Variants in PARD3 observed in about 807,000 individuals in gnomAD.
The protein encoded by PARD3 is par-3 family cell polarity regulator.
A neutral mutation model predicts 155.4 loss-of-function variants in PARD3; 75 were observed. The observed-to-expected ratio is 0.48, with a 90% CI of 0.40 to 0.58. PARD3 has a LOEUF of 0.58. Among genes scored for constraint, PARD3 ranks in the 20% least tolerant of loss-of-function variants. The pLI, the probability that PARD3 is intolerant of heterozygous loss-of-function variation, is 0.00. For missense variants in PARD3, 1,642 were observed against 1,721.7 expected (o/e 0.95, Z 0.82); for synonymous variants, 576 against 610.5 (o/e 0.94, Z 0.83).
chr10:34,320,893 A>T (rs1362022410), intron 19 of PARD3, among the ~76,000 whole-genome samples: 1 of 152,218 alleles, frequency 6.6e-6, no homozygotes, highest in Admixed American at 6.5e-5. Context: ...TACTGATTTA[A>T]CTAATCCCTT....
At chr10:34,750,015 C>T (rs1835786514) in intron 1 of PARD3, among the ~76,000 whole-genome samples, 1 of 149,064 alleles carries the variant, frequency 6.7e-6, no homozygotes, top group African/African-American at 2.5e-5. Flanking sequence ...GAACGAGACC[C>T]CCTCTCAAAA....
intron 3 of PARD3, among the ~76,000 whole-genome samples, chr10:34,484,808 T>C (rs113785650): frequency 6.0e-4 from 92 of 152,240 alleles, no homozygotes; most frequent in Non-Finnish European, 9.9e-4. Flanking sequence ...CTGCTAAATT[T>C]TACCTATGAA....
chr10:34,707,202 G>A lies in PARD3; in HGVS notation c.121-10783C>T, dbSNP rs2094377866. Among the ~76,000 whole-genome samples the A allele has an allele frequency of 2.7e-5, 4 of 150,510 alleles. 1 individual carries two copies. Among genetic ancestry groups the A allele is most frequent in the Middle Eastern group, 7.1e-3 (2 of 282 alleles). Reference sequence around the variant, plus strand: ...TCAAGGCTGCAGTAAGCAGTGGCGTGCCACTGCACTCCAGTCTGGGTGACA... The same window carrying A: ...TCAAGGCTGCAGTAAGCAGTGGCGTACCACTGCACTCCAGTCTGGGTGACA... On this transcript the variant is annotated intron_variant, in intron 1 of 24. Coordinates refer to ENST00000374788, the MANE Select transcript of PARD3 (RefSeq NM_001184785.2).
In PARD3 at chr10:34,228,979, T is replaced by C. The variant is rs553820612; in HGVS notation, c.3419+40678A>G. ...TCCTCTTTATATCCAAGTTACTCCA[T>C]GGCCCTGATCTCTGTTTCTCCTGAG... On this transcript the variant is annotated intron_variant, in intron 22 of 24. Transcript: ENST00000374788. 3.3e-5 allele frequency among the ~76,000 whole-genome samples: 5 copies of C among 152,206 alleles called. No homozygotes were observed. In the South Asian group the frequency reaches 1.0e-3, roughly 32 times the overall value.
intron 22 of PARD3, among the ~76,000 whole-genome samples, chr10:34,145,321 G>C (rs1948456054): frequency 6.8e-6 from 1 of 146,926 alleles, no homozygotes; most frequent in Non-Finnish European, 1.5e-5. Context: ...AGCACTAGGT[G>C]ATTCTTTAAT....
chr10:34,634,394 A>G (rs1392190258), intron 2 of PARD3, among the ~76,000 whole-genome samples: 1 of 152,030 alleles, frequency 6.6e-6, no homozygotes, highest in Non-Finnish European at 1.5e-5. Flanking sequence ...AGGATGCGGG[A>G]AAAAAAAGAT....
intron 22 of PARD3, among the ~76,000 whole-genome samples, chr10:34,131,938 T>C (rs1030975840): frequency 6.6e-6 from 1 of 152,208 alleles, no homozygotes; most frequent in African/African-American, 2.4e-5. Flanking sequence ...GGTCTGGTCC[T>C]AGCTTCTGTA....
At chr10:34,304,756 T>C (rs1002083976) in intron 20 of PARD3, among the ~76,000 whole-genome samples, 14 of 152,236 alleles carry the variant, frequency 9.2e-5, no homozygotes, top group African/African-American at 3.4e-4. Flanking sequence ...TATAGGGTTA[T>C]TATGAGGTGT....
At chr10:34,398,530 CAAGT>C (rs1192379145) in intron 7 of PARD3, among the ~76,000 whole-genome samples, 3 of 152,034 alleles carry the variant, frequency 2.0e-5, no homozygotes, top group African/African-American at 7.2e-5. Flanking sequence ...CATTAGAGAG[CAAGT>C]AAGAGAAGAT....
At position 34,460,624 on chromosome 10, in the gene PARD3, G is replaced by C. The variant is rs758450880; in HGVS notation, c.582+9461C>G. 1.6e-4 allele frequency among the ~76,000 whole-genome samples: 24 copies of C among 152,040 alleles called. 1 individual carries two copies. Among genetic ancestry groups the C allele is most frequent in the Non-Finnish European group, 1.5e-4 (10 of 68,022 alleles). On this transcript the variant is annotated intron_variant, in intron 4 of 24. Transcript: ENST00000374788. ...CGAGGCGGGTGGATAACGAGGTCAG[G>C]AGATCGAGACCATCCTGACTAACAC...
chr10:34,741,244 G>C (rs1400196077), intron 1 of PARD3, among the ~76,000 whole-genome samples: 1 of 144,584 alleles, frequency 6.9e-6, no homozygotes, highest in Non-Finnish European at 1.5e-5. Context: ...GAGTGTGGTG[G>C]TGCGATCACA....
intron 2 of PARD3, among the ~76,000 whole-genome samples, chr10:34,661,664 T>C (rs1213670458): frequency 1.3e-5 from 2 of 152,170 alleles, no homozygotes; most frequent in Non-Finnish European, 2.9e-5. Context: ...GCAGCAAAAA[T>C]TGGGCCTGGC....
chr10:34,113,496 AACACACAC>A (rs58408464), intron 24 of PARD3, among the ~76,000 whole-genome samples: 47 of 148,122 alleles, frequency 3.2e-4, no homozygotes, highest in Admixed American at 1.0e-3. Flanking sequence ...ATAAGACAGA[AACACACAC>A]ACACACACAC....
chr10:34,779,787 G>GC (rs1242633991), intron 1 of PARD3, among the ~76,000 whole-genome samples: 2 of 152,330 alleles, frequency 1.3e-5, no homozygotes, highest in African/African-American at 4.8e-5. Context: ...AGCAAAGCAT[G>GC]CAAAACTGCA....
intron 1 of PARD3, among the ~76,000 whole-genome samples, chr10:34,748,992 C>T (rs1042801309): frequency 4.6e-5 from 7 of 152,204 alleles, no homozygotes; most frequent in Admixed American, 3.3e-4. Flanking sequence ...ACCTGTCAGA[C>T]CTGATGCACA....
At chr10:34,234,222 A>G (rs985907369) in intron 22 of PARD3, among the ~76,000 whole-genome samples, 2 of 152,162 alleles carry the variant, frequency 1.3e-5, no homozygotes, top group Non-Finnish European at 2.9e-5. Context: ...AATTTGTGAT[A>G]TAACTACTGA....
chr10:34,763,182 A>T (rs1322501799), intron 1 of PARD3, among the ~76,000 whole-genome samples: 1 of 152,224 alleles, frequency 6.6e-6, no homozygotes, highest in Non-Finnish European at 1.5e-5. Flanking sequence ...ACAGTCCCAC[A>T]AAAGGAAGAA....
intron 1 of PARD3, among the ~76,000 whole-genome samples, chr10:34,784,727 G>A (rs530071984): frequency 4.6e-4 from 70 of 152,268 alleles, no homozygotes; most frequent in African/African-American, 1.6e-3. Flanking sequence ...GTGAGCCACC[G>A]TGCCCGGCCC....
intron 5 of PARD3, among the ~76,000 whole-genome samples, chr10:34,444,181 G>C (rs2076617101): frequency 6.6e-6 from 1 of 152,152 alleles, no homozygotes; most frequent in Non-Finnish European, 1.5e-5. Flanking sequence ...TGCTGTTTCT[G>C]CTAATTGGGC....
Sources: gnomAD v4.1 joint callset for allele counts (sites outside exome capture counted in the v4.1 genomes callset) on GRCh38, gnomAD v4.1.1 for gene constraint, MANE v1.5 for transcripts, NCBI Gene and HGNC (gene_info 2026-07-23, HGNC 2026-07-21) for gene names.